CTNNA1: variants seen among roughly 807,000 people sequenced by gnomAD.
The protein encoded by CTNNA1 is catenin alpha 1.
CTNNA1 carries 37 observed loss-of-function variants against 98.4 expected under a neutral mutation model. That is an observed-to-expected ratio of 0.38 (90% CI 0.29 to 0.49). The LOEUF (loss-of-function observed/expected upper bound fraction) is 0.49, where lower values mean the gene tolerates loss of function less well. Among genes scored for constraint, CTNNA1 ranks in the 20% least tolerant of loss-of-function variants. CTNNA1 has a pLI of 0.95. For synonymous variants in CTNNA1, 404 were observed against 413.2 expected (o/e 0.98, Z 0.27); for missense variants, 761 against 1,147.2 (o/e 0.66, Z 4.86).
intron 1 of CTNNA1, among the ~76,000 whole-genome samples, chr5:138,772,649 G>A (rs929821437): frequency 6.6e-6 from 1 of 152,158 alleles, no homozygotes; most frequent in Admixed American, 6.6e-5. Context: ...AAGAAACATA[G>A]GCATGGTTAT....
At chr5:138,818,333 C>T (rs1435555411) in intron 5 of CTNNA1, among the ~76,000 whole-genome samples, 1 of 151,178 alleles carries the variant, frequency 6.6e-6, no homozygotes, top group East Asian at 1.9e-4. Context: ...CAGGCTGGTC[C>T]CGAACTCCTG....
chr5:138,865,948 A>G (rs1382762135), intron 7 of CTNNA1, among the ~76,000 whole-genome samples: 1 of 152,124 alleles, frequency 6.6e-6, no homozygotes, highest in Non-Finnish European at 1.5e-5. Context: ...GGCAATGGGA[A>G]ATGTTTTTGT....
chr5:138,840,716 T>TGTACTATAGAAATGTAA (rs1762201134), intron 7 of CTNNA1, among the ~76,000 whole-genome samples: 1 of 151,250 alleles, frequency 6.6e-6, no homozygotes, highest in African/African-American at 2.5e-5. Flanking sequence ...CCCTAATAGT[T>TGTACTATAGAAATGTAA]TTTATCCATT....
intron 16 of CTNNA1, among the ~76,000 whole-genome samples, chr5:138,931,303 C>T (rs376302961): frequency 7.2e-5 from 11 of 152,246 alleles, no homozygotes; most frequent in Admixed American, 3.9e-4. Flanking sequence ...TCAGCCACCC[C>T]GTCTTCATCC....
At chr5:138,804,349 G>A (rs1757871675) in intron 3 of CTNNA1, among the ~76,000 whole-genome samples, 1 of 133,828 alleles carries the variant, frequency 7.5e-6, no homozygotes. Flanking sequence ...ATTTTAAAGT[G>A]CACAATTCAG....
chr5:138,915,635 AG>A (rs1761572278), intron 10 of CTNNA1, among the ~76,000 whole-genome samples: 1 of 152,262 alleles, frequency 6.6e-6, no homozygotes, highest in Non-Finnish European at 1.5e-5. Flanking sequence ...GATTCATAAT[AG>A]TCAAAGAGTG....
chr5:138,892,038 C>T (rs1755483377), intron 9 of CTNNA1, among the ~76,000 whole-genome samples: 1 of 152,156 alleles, frequency 6.6e-6, no homozygotes, highest in East Asian at 1.9e-4. Context: ...AAGCCCCTTC[C>T]CTCCTTCGAG....
chr5:138,908,578 T>TTG (rs1759807989), intron 10 of CTNNA1, among the ~76,000 whole-genome samples: 4 of 152,026 alleles, frequency 2.6e-5, no homozygotes, highest in African/African-American at 9.7e-5. Context: ...AGCAGGAGGA[T>TTG]CGCTTGAGCG....
chr5:138,929,402 T>G, intron 14 of CTNNA1, 46 bp downstream of exon 14: 1 of 920,392 alleles, frequency 1.1e-6, no homozygotes, highest in Non-Finnish European at 1.8e-6. Flanking sequence ...CTGCCGACTT[T>G]CCCTGTCCCC....
chr5:138,893,016 A>AAAATAAAT (rs147686745), intron 9 of CTNNA1, among the ~76,000 whole-genome samples: 3 of 152,226 alleles, frequency 2.0e-5, no homozygotes, highest in East Asian at 1.9e-4. Context: ...ACTCCGTCTC[A>AAAATAAAT]AAATAAATAA....
At chr5:138,854,009 A>G (rs543762313) in intron 7 of CTNNA1, among the ~76,000 whole-genome samples, 91 of 152,338 alleles carry the variant, frequency 6.0e-4, no homozygotes, top group African/African-American at 2.1e-3. Flanking sequence ...AAGAAGCCCA[A>G]TCATAGAGCT....
intron 7 of CTNNA1, among the ~76,000 whole-genome samples, chr5:138,851,218 T>C (rs917976653): frequency 1.3e-5 from 2 of 152,218 alleles, no homozygotes; most frequent in African/African-American, 4.8e-5. Flanking sequence ...GTTTTCATTG[T>C]TGGGCTCTTA....
At chr5:138,808,462 A>G (rs1199675552) in intron 3 of CTNNA1, among the ~76,000 whole-genome samples, 2 of 152,208 alleles carry the variant, frequency 1.3e-5, no homozygotes, top group Admixed American at 1.3e-4. Flanking sequence ...AGACTGTGTT[A>G]GATCCAGGAA....
chr5:138,840,689 T>C (rs2149815880), intron 7 of CTNNA1, among the ~76,000 whole-genome samples: 1 of 151,402 alleles, frequency 6.6e-6, no homozygotes, highest in East Asian at 1.9e-4. Context: ...TAAAAGCTTA[T>C]CAATCATAAC....
chr5:138,926,647 T>C (rs1288196754), intron 13 of CTNNA1, among the ~76,000 whole-genome samples: 1 of 152,210 alleles, frequency 6.6e-6, no homozygotes, highest in Non-Finnish European at 1.5e-5. Flanking sequence ...TGCACGTCTT[T>C]GTACTAGGAT....
intron 3 of CTNNA1, among the ~76,000 whole-genome samples, chr5:138,806,753 T>G (rs1270699946): frequency 6.6e-6 from 1 of 151,886 alleles, no homozygotes; most frequent in Non-Finnish European, 1.5e-5. Flanking sequence ...CTAATTAATA[T>G]ATGAATTATA....
At chr5:138,864,737 C>T (rs753601565) in intron 7 of CTNNA1, among the ~76,000 whole-genome samples, 24 of 152,196 alleles carry the variant, frequency 1.6e-4, no homozygotes, top group Non-Finnish European at 2.5e-4. Context: ...GTTTCATGCA[C>T]AACCAGAGAT....
chr5:138,829,167 T>G (rs1395829057), intron 7 of CTNNA1, among the ~76,000 whole-genome samples: 2 of 150,660 alleles, frequency 1.3e-5, no homozygotes, highest in Non-Finnish European at 3.0e-5. Context: ...TTAAGAAAAA[T>G]GAGATTAGAG....
chr5:138,855,062 G>T (rs755700932), intron 7 of CTNNA1, among the ~76,000 whole-genome samples: 1 of 152,194 alleles, frequency 6.6e-6, no homozygotes, highest in African/African-American at 2.4e-5. Context: ...GTTTTGAGAC[G>T]GAGTCTCACT....
Sources: allele counts gnomAD v4.1 joint callset (sites outside exome capture counted in the v4.1 genomes callset), GRCh38; gene constraint gnomAD v4.1.1; transcripts MANE v1.5; gene names NCBI Gene and HGNC (gene_info 2026-07-23, HGNC 2026-07-21).